The following LEKR1 variants were observed in gnomAD, a reference collection of about 807,000 sequenced individuals.
LEKR1 encodes the protein protein LEKR1.
LEKR1 carries 59 observed loss-of-function variants against 72.4 expected under a neutral mutation model. That is an observed-to-expected ratio of 0.82 (90% CI 0.66 to 1.01). The LOEUF is 1.01. LEKR1 is among the 50% of genes least tolerant of loss of function. The pLI, the probability that LEKR1 is intolerant of heterozygous loss-of-function variation, is 0.00. For missense variants in LEKR1, 728 were observed against 759.2 expected (o/e 0.96, Z 0.48); for synonymous variants, 257 against 263.2 (o/e 0.98, Z 0.23).
chr3:156,882,802 C>T (rs1392288967), intron 3 of LEKR1, among the ~76,000 whole-genome samples: 1 of 151,994 alleles, frequency 6.6e-6, no homozygotes, highest in Admixed American at 6.6e-5. Flanking sequence ...CACATATACA[C>T]CATGGAATAC....
At chr3:156,874,535 A>T (rs1029762708) in intron 3 of LEKR1, among the ~76,000 whole-genome samples, 4 of 110,828 alleles carry the variant, frequency 3.6e-5, no homozygotes, top group East Asian at 3.9e-4. Flanking sequence ...TGATTTTTTT[A>T]AAAAACTTTT....
At chr3:157,009,704 G>A (rs1181942766) in intron 9 of LEKR1, among the ~76,000 whole-genome samples, 3 of 152,030 alleles carry the variant, frequency 2.0e-5, no homozygotes, top group African/African-American at 7.2e-5. Flanking sequence ...GACATATGTG[G>A]TGGTCCTGGG....
chr3:157,031,935 G>A (rs1469229379), intron 12 of LEKR1, among the ~76,000 whole-genome samples: 2 of 152,114 alleles, frequency 1.3e-5, no homozygotes, highest in African/African-American at 2.4e-5. Flanking sequence ...GAAACAGCAA[G>A]GGTCGCAAAG....
intron 9 of LEKR1, among the ~76,000 whole-genome samples, chr3:157,010,974 A>G (rs564234754): frequency 6.2e-4 from 95 of 152,266 alleles, no homozygotes; most frequent in South Asian, 4.6e-3. Context: ...GCTAACATGT[A>G]TTGGCTTAAT....
chr3:156,970,547 C>G (rs1187132431), intron 6 of LEKR1, among the ~76,000 whole-genome samples: 1 of 152,092 alleles, frequency 6.6e-6, no homozygotes, highest in African/African-American at 2.4e-5. Flanking sequence ...AAGAGGAAGT[C>G]AAATTGTCCG....
rs535152074 is a variant in LEKR1, at chr3:156,938,839, C to G, written c.560-3690C>G. On this transcript the variant is annotated intron_variant, in intron 5 of 12. Transcript: ENST00000356539. ...CTTGATAATAAGGTTATAGAGGTTTCCTAATGATATAATGACCTAACATAA... is the reference window on the plus strand; with the variant it reads ...CTTGATAATAAGGTTATAGAGGTTTGCTAATGATATAATGACCTAACATAA... Among the ~76,000 whole-genome samples, 12 of 152,192 alleles carry G rather than the reference C, an allele frequency of 7.9e-5. No homozygotes were observed. In the South Asian group the frequency reaches 2.5e-3, roughly 32 times the overall value.
At chr3:157,008,386 C>G (rs1732629799) in intron 9 of LEKR1, among the ~76,000 whole-genome samples, 1 of 152,066 alleles carries the variant, frequency 6.6e-6, no homozygotes, top group Non-Finnish European at 1.5e-5. Context: ...CTGGCTGTAT[C>G]AATAATTGTT....
At chr3:156,851,316 T>G (rs1244240229) in intron 2 of LEKR1, 1 of 152,240 alleles carries the variant, frequency 6.6e-6, no homozygotes, top group Non-Finnish European at 1.5e-5. Context: ...CTAAGAGGAC[T>G]GGAACTGGTG....
chr3:156,839,809 A>C (rs1713661325), intron 2 of LEKR1, among the ~76,000 whole-genome samples: 1 of 152,236 alleles, frequency 6.6e-6, no homozygotes, highest in East Asian at 1.9e-4. Flanking sequence ...ATGGGCGCTG[A>C]AACTAAAGCA....
chr3:156,851,836 T>C (rs908509365), intron 2 of LEKR1, among the ~76,000 whole-genome samples: 5 of 152,262 alleles, frequency 3.3e-5, no homozygotes, highest in Admixed American at 2.6e-4. Context: ...TTTAGTGCCC[T>C]GGAGCAAGCA....
At chr3:156,995,716 C>A (rs1731505029) in intron 9 of LEKR1, among the ~76,000 whole-genome samples, 1 of 152,164 alleles carries the variant, frequency 6.6e-6, no homozygotes, top group South Asian at 2.1e-4. Flanking sequence ...CCTATAATCC[C>A]AGCTACTCAG....
In LEKR1 at chr3:156,899,395, TATATAC is replaced by T; in HGVS notation, c.264-21174_264-21169del. ...ACATATATACACATATATACATGTA[TATATAC>T]ATATATACATATATACACATATATA... On this transcript the variant is annotated intron_variant, in intron 3 of 12. Transcript: ENST00000356539. Among the ~76,000 whole-genome samples, 4 of 84,320 alleles carry T rather than the reference TATATAC, an allele frequency of 4.7e-5. No homozygotes were observed. The East Asian group carries it at 1.3e-3, about 28-fold the overall frequency. The allele number at this position is 84,320 out of a possible 152,430, so 55.3% of individuals were successfully genotyped here. A position where few individuals can be genotyped will look rare whatever the true frequency, so the allele number is the denominator to read the frequency against.
chr3:156,879,751 G>T (rs1207839816), intron 3 of LEKR1, among the ~76,000 whole-genome samples: 2 of 152,180 alleles, frequency 1.3e-5, no homozygotes, highest in Non-Finnish European at 2.9e-5. Context: ...GGTACTTGGT[G>T]CCCTGTGTCC....
chr3:156,892,125 G>A (rs961623141), intron 3 of LEKR1, among the ~76,000 whole-genome samples: 9 of 152,168 alleles, frequency 5.9e-5, no homozygotes, highest in Non-Finnish European at 1.3e-4. Context: ...GTCAGGATTG[G>A]TCCCAACAAT....
intron 9 of LEKR1, among the ~76,000 whole-genome samples, chr3:156,999,440 C>G (rs1463387122): frequency 1.3e-5 from 2 of 152,068 alleles, no homozygotes; most frequent in Non-Finnish European, 2.9e-5. Flanking sequence ...CTTTCTCTTT[C>G]TCAAGCTCTT....
chr3:156,878,856 G>A (rs116778381), intron 3 of LEKR1, among the ~76,000 whole-genome samples: 4,464 of 152,192 alleles, frequency 0.029, 85 homozygotes, highest in South Asian at 0.064. Context: ...TAAGTCTCAC[G>A]AGATCTGATG....
At chr3:156,918,395 T>G (rs1723860662) in intron 3 of LEKR1, among the ~76,000 whole-genome samples, 1 of 152,160 alleles carries the variant, frequency 6.6e-6, no homozygotes, top group Non-Finnish European at 1.5e-5. Context: ...AGTGGTACTT[T>G]AAGGAAATTG....
chr3:156,899,456 A>G (rs967607074), intron 3 of LEKR1, among the ~76,000 whole-genome samples: 2 of 74,726 alleles, frequency 2.7e-5, no homozygotes, highest in Non-Finnish European at 5.3e-5. Context: ...ACATATATAC[A>G]CATATATACA....
At chr3:157,033,765 C>T (rs1299427144) in intron 12 of LEKR1, among the ~76,000 whole-genome samples, 2 of 152,156 alleles carry the variant, frequency 1.3e-5, no homozygotes, top group Admixed American at 6.5e-5. Flanking sequence ...GAAGAAGGTA[C>T]CATCTAGGAC....
Sources: gnomAD v4.1 joint callset for allele counts (sites outside exome capture counted in the v4.1 genomes callset) on GRCh38, gnomAD v4.1.1 for gene constraint, MANE v1.5 for transcripts, NCBI Gene and HGNC (gene_info 2026-07-23, HGNC 2026-07-21) for gene names.